RAD51B: variants seen among roughly 807,000 people sequenced by gnomAD.
The protein encoded by RAD51B is RAD51 paralog B.
A neutral mutation model predicts 42.2 loss-of-function variants in RAD51B; 38 were observed. That is an observed-to-expected ratio of 0.90 (90% CI 0.70 to 1.18). The LOEUF (loss-of-function observed/expected upper bound fraction) is 1.18, where lower values mean the gene tolerates loss of function less well. RAD51B is among the 50% of genes most tolerant of loss of function. RAD51B has a pLI of 0.00. For synonymous variants in RAD51B, 154 were observed against 145.2 expected (o/e 1.06, Z -0.43); for missense variants, 373 against 400.7 (o/e 0.93, Z 0.59).
At chr14:67,846,936 C>G (rs1261073685) in intron 4 of RAD51B, among the ~76,000 whole-genome samples, 1 of 152,162 alleles carries the variant, frequency 6.6e-6, no homozygotes, top group Non-Finnish European at 1.5e-5. Context: ...AAGCACCTCT[C>G]CCAGCCAGCT....
chr14:68,122,748 C>A (rs1382030026), intron 7 of RAD51B, among the ~76,000 whole-genome samples: 1 of 152,056 alleles, frequency 6.6e-6, no homozygotes, highest in Admixed American at 6.5e-5. Context: ...GTTATTGCAT[C>A]AATACTTATA....
chr14:68,354,163 A>G (rs750842631), intron 8 of RAD51B, among the ~76,000 whole-genome samples: 2 of 149,986 alleles, frequency 1.3e-5, no homozygotes, highest in Non-Finnish European at 3.0e-5. Context: ...TGGTGTGTAT[A>G]TTATAAGAAC....
chr14:68,010,836 A>G (rs2075672127), intron 7 of RAD51B, among the ~76,000 whole-genome samples: 1 of 151,926 alleles, frequency 6.6e-6, no homozygotes, highest in South Asian at 2.1e-4. Flanking sequence ...AAGCGAATTT[A>G]TAATAAATAG....
chr14:68,112,362 C>T (rs1040960474), intron 7 of RAD51B, among the ~76,000 whole-genome samples: 8 of 152,020 alleles, frequency 5.3e-5, no homozygotes, highest in Non-Finnish European at 1.2e-4. Flanking sequence ...TCTTTATTTT[C>T]TGAAGATTTA....
chr14:68,206,352 G>A (rs1311125286), intron 7 of RAD51B, among the ~76,000 whole-genome samples: 1 of 152,114 alleles, frequency 6.6e-6, no homozygotes, highest in Non-Finnish European at 1.5e-5. Flanking sequence ...AGTAATCAGT[G>A]GGAAACAAAT....
intron 7 of RAD51B, among the ~76,000 whole-genome samples, chr14:68,093,013 C>T (rs1284021527): frequency 1.3e-5 from 2 of 149,502 alleles, no homozygotes; most frequent in African/African-American, 2.5e-5. Context: ...TATTGATTTT[C>T]GTATGTTGAA....
At chr14:67,835,239 C>A (rs746693055) in intron 4 of RAD51B, 43 bp downstream of exon 4, 2 of 1,342,392 alleles carry the variant, frequency 1.5e-6, no homozygotes, top group Non-Finnish European at 1.1e-6. Context: ...TGACCTATAA[C>A]CTTCAGAGCT....
intron 10 of RAD51B, among the ~76,000 whole-genome samples, chr14:68,536,722 C>T (rs536010002): frequency 1.3e-5 from 2 of 152,238 alleles, no homozygotes; most frequent in South Asian, 2.1e-4. Flanking sequence ...TTTAGTATTT[C>T]CTTACTCTTT....
chr14:68,319,695 A>G (rs2082123613), intron 8 of RAD51B, among the ~76,000 whole-genome samples: 1 of 152,178 alleles, frequency 6.6e-6, no homozygotes, highest in South Asian at 2.1e-4. Context: ...ATCAGGTCAG[A>G]ATGGAGGCTC....
At chr14:68,547,380 G>A (rs992961717) in intron 10 of RAD51B, among the ~76,000 whole-genome samples, 1 of 152,116 alleles carries the variant, frequency 6.6e-6, no homozygotes, top group East Asian at 1.9e-4. Context: ...CTGTCGGCAC[G>A]TACAGGCCAG....
At chr14:68,435,182 C>T (rs777980937) in intron 9 of RAD51B, among the ~76,000 whole-genome samples, 8 of 152,124 alleles carry the variant, frequency 5.3e-5, no homozygotes, top group Non-Finnish European at 1.0e-4. Flanking sequence ...CCCCCATCCT[C>T]CTCTTCCCCA....
intron 9 of RAD51B, among the ~76,000 whole-genome samples, chr14:68,419,864 T>A (rs1195416924): frequency 2.6e-5 from 4 of 152,184 alleles, no homozygotes; most frequent in Admixed American, 2.6e-4. Context: ...GGAACCCATT[T>A]CCTGCCATCC....
intron 7 of RAD51B, among the ~76,000 whole-genome samples, chr14:68,154,694 CT>C (rs80143095): frequency 2.5e-3 from 349 of 141,492 alleles, no homozygotes; most frequent in Middle Eastern, 3.8e-3. Flanking sequence ...TAGAACTTTC[CT>C]TTTTTTTTTT....
Position 68,298,910 on chromosome 14 carries a change from G to A in RAD51B, c.853+6930G>A, listed in dbSNP as rs556657381. The stretch of plus-strand genomic sequence containing the variant: ...AGTTTGTGTTGTAATGTGGCATGAA[G>A]CGTCTTCAGAATGCATTTGCGATGT... On this transcript the variant is annotated intron_variant, in intron 8 of 10. Coordinates refer to ENST00000471583, the MANE Select transcript of RAD51B (RefSeq NM_133510.4). Among the ~76,000 whole-genome samples the A allele has an allele frequency of 7.2e-5, 11 of 152,288 alleles. 1 individual carries two copies. In the East Asian group the frequency reaches 1.9e-3, roughly 27 times the overall value.
At chr14:67,850,282 C>T (rs767473043) in intron 4 of RAD51B, among the ~76,000 whole-genome samples, 85 of 152,202 alleles carry the variant, frequency 5.6e-4, no homozygotes, top group African/African-American at 9.7e-4. Flanking sequence ...CATGAGTCAC[C>T]GTGCCTGGCT....
At chr14:68,274,662 G>A (rs2081185928) in intron 7 of RAD51B, among the ~76,000 whole-genome samples, 1 of 152,088 alleles carries the variant, frequency 6.6e-6, no homozygotes, top group Admixed American at 6.5e-5. Flanking sequence ...CACAAATAAT[G>A]TCACAAATAA....
At chr14:68,471,385 C>T (rs1435597107) in intron 10 of RAD51B, among the ~76,000 whole-genome samples, 4 of 152,118 alleles carry the variant, frequency 2.6e-5, no homozygotes, top group Admixed American at 2.6e-4. Context: ...TTTATAATAC[C>T]TGAAGAACTC....
intron 10 of RAD51B, among the ~76,000 whole-genome samples, chr14:68,548,121 A>G (rs1888329890): frequency 6.6e-6 from 1 of 151,968 alleles, no homozygotes; most frequent in Non-Finnish European, 1.5e-5. Context: ...GGATATTCTC[A>G]TGTTCTCTCT....
intron 10 of RAD51B, among the ~76,000 whole-genome samples, chr14:68,566,471 C>A (rs1410211301): frequency 6.6e-6 from 1 of 152,226 alleles, no homozygotes; most frequent in African/African-American, 2.4e-5. Flanking sequence ...AACTTGAGCA[C>A]TGCTTGTCTT....
Sources: gnomAD v4.1 joint callset for allele counts (sites outside exome capture counted in the v4.1 genomes callset) on GRCh38, gnomAD v4.1.1 for gene constraint, MANE v1.5 for transcripts, NCBI Gene and HGNC (gene_info 2026-07-23, HGNC 2026-07-21) for gene names.